The following PPFIBP2 variants were observed in gnomAD, a reference collection of about 807,000 sequenced individuals.
PPFIBP2 encodes liprin-beta-2.
In PPFIBP2, 118 loss-of-function variants were observed where a neutral mutation model predicts 118.3. The ratio of observed to expected loss-of-function variants is 1.00; its 90% CI spans 0.86 to 1.16. PPFIBP2 has a LOEUF of 1.16. Among genes scored for constraint, PPFIBP2 ranks in the 50% most tolerant of loss-of-function variants. The pLI, the probability that PPFIBP2 is intolerant of heterozygous loss-of-function variation, is 0.00. For missense variants in PPFIBP2, 1,195 were observed against 1,073.1 expected, an observed-to-expected ratio of 1.11 and a Z score of -1.59; for synonymous variants, 414 against 397.4, an observed-to-expected ratio of 1.04 and a Z score of -0.50.
intron 4 of PPFIBP2, among the ~76,000 whole-genome samples, chr11:7,594,938 GAAA>G (rs1334814027): frequency 7.7e-6 from 1 of 129,462 alleles, no homozygotes; most frequent in Non-Finnish European, 1.7e-5. Context: ...AAAAAAAAAA[GAAA>G]AAGGAGAGTG....
intron 6 of PPFIBP2, among the ~76,000 whole-genome samples, chr11:7,612,438 C>T (rs770079009): frequency 6.6e-6 from 1 of 152,096 alleles, no homozygotes; most frequent in Admixed American, 6.5e-5. Flanking sequence ...AAAGTCAGCC[C>T]GTGTGTGGAA....
At chr11:7,645,794 C>T (rs577653642) in intron 17 of PPFIBP2, among the ~76,000 whole-genome samples, 2 of 151,976 alleles carry the variant, frequency 1.3e-5, no homozygotes, top group Non-Finnish European at 1.5e-5. Context: ...ACTTATTTCC[C>T]CTTTAGAGCT....
intron 17 of PPFIBP2, among the ~76,000 whole-genome samples, chr11:7,643,708 T>A (rs978146021): frequency 1.3e-5 from 2 of 152,240 alleles, no homozygotes; most frequent in African/African-American, 2.4e-5. Flanking sequence ...TTTCTAGATA[T>A]TAATATTTAG....
intron 3 of PPFIBP2, among the ~76,000 whole-genome samples, chr11:7,589,852 A>G (rs1858918793): frequency 6.6e-6 from 1 of 152,226 alleles, no homozygotes; most frequent in African/African-American, 2.4e-5. Flanking sequence ...CAATTCCACT[A>G]TTAAAGAAGC....
At chr11:7,651,134 T>A in intron 22 of PPFIBP2, 169 bp downstream of exon 22, 2 of 679,624 alleles carry the variant, frequency 2.9e-6, no homozygotes, top group Non-Finnish European at 4.6e-6. Flanking sequence ...CCTTGAGAAT[T>A]AATATACCTC....
At chr11:7,623,460 C>T (rs148005374) in intron 7 of PPFIBP2, among the ~76,000 whole-genome samples, 49 of 152,282 alleles carry the variant, frequency 3.2e-4, no homozygotes, top group Non-Finnish European at 4.3e-4. Flanking sequence ...TTCCCAACTG[C>T]GGAGACAGAG....
intron 3 of PPFIBP2, among the ~76,000 whole-genome samples, chr11:7,592,733 T>C (rs1590423733): frequency 6.6e-6 from 1 of 152,220 alleles, no homozygotes; most frequent in Non-Finnish European, 1.5e-5. Flanking sequence ...TGTTCCCATG[T>C]AGTCCCTTGG....
intron 1 of PPFIBP2, among the ~76,000 whole-genome samples, chr11:7,549,144 C>A (rs1380863113): frequency 1.3e-5 from 2 of 152,142 alleles, no homozygotes; most frequent in Admixed American, 1.3e-4. Context: ...ACCTGGGACT[C>A]CAATTGTTAC....
intron 23 of PPFIBP2, 97 bp from the exon 24 acceptor site, chr11:7,652,927 C>A: frequency 7.3e-7 from 1 of 1,363,294 alleles, no homozygotes; most frequent in Non-Finnish European, 1.0e-6. Flanking sequence ...TTATTCCTCT[C>A]CTTGAGTGCC....
intron 22 of PPFIBP2, 149 bp from the exon 23 acceptor site, chr11:7,651,507 G>C (rs1365228195): frequency 1.5e-6 from 1 of 658,784 alleles, no homozygotes; most frequent in East Asian, 2.7e-5. Flanking sequence ...GTGCCAGCCA[G>C]TGAGTGGAGT....
intron 1 of PPFIBP2, among the ~76,000 whole-genome samples, chr11:7,533,901 G>A (rs1386682130): frequency 1.3e-5 from 2 of 152,220 alleles, no homozygotes; most frequent in Non-Finnish European, 2.9e-5. Flanking sequence ...TGAAGCCGAG[G>A]AATGTTTGAG....
At chr11:7,534,450 G>C (rs1418737584) in intron 1 of PPFIBP2, among the ~76,000 whole-genome samples, 1 of 152,184 alleles carries the variant, frequency 6.6e-6, no homozygotes, top group African/African-American at 2.4e-5. Context: ...TTTATGATCT[G>C]GTTGAGGCAA....
intron 5 of PPFIBP2, chr11:7,605,703 G>A: frequency 7.5e-7 from 1 of 1,332,462 alleles, no homozygotes; most frequent in Non-Finnish European, 9.6e-7. Flanking sequence ...TGATAAACCA[G>A]GAAAATAGAG....
intron 13 of PPFIBP2, 69 bp from the exon 14 acceptor site, chr11:7,635,480 AGTT>A: frequency 7.0e-7 from 1 of 1,428,312 alleles, no homozygotes; most frequent in Admixed American, 1.7e-5. Flanking sequence ...GGTAGTCCTG[AGTT>A]GTTGCTGTTT....
At chr11:7,590,665 T>G (rs906052481) in intron 3 of PPFIBP2, among the ~76,000 whole-genome samples, 22 of 152,250 alleles carry the variant, frequency 1.4e-4, no homozygotes, top group African/African-American at 5.3e-4. Context: ...GAACAGTGCC[T>G]GGCACATGTT....
chr11:7,644,868 A>G (rs1484895941), intron 17 of PPFIBP2, among the ~76,000 whole-genome samples: 2 of 151,336 alleles, frequency 1.3e-5, no homozygotes, highest in Non-Finnish European at 2.9e-5. Context: ...TCTACTAAAA[A>G]TACAAAAAAT....
chr11:7,514,113 C>G lies in PPFIBP2; in HGVS notation c.-45C>G, dbSNP rs1292393839. 7 of 152,484 alleles carry G rather than the reference C, an allele frequency of 4.6e-5. No individual in the cohort carries two copies. Among genetic ancestry groups the G allele is most frequent in the South Asian group, 2.1e-4 (1 of 4,832 alleles). The allele number at this position is 152,484 out of a possible 1,614,324, so 9.4% of individuals were successfully genotyped here. ...GCCGCCCGGAGAGGAGCCTCGGCCCCGTACCCAGGTCAGTGGGCTCTCCCC... is the reference window on the plus strand; with the variant it reads ...GCCGCCCGGAGAGGAGCCTCGGCCCGGTACCCAGGTCAGTGGGCTCTCCCC... On this transcript the variant is annotated 5_prime_UTR_variant, in exon 1 of 24. Transcript: ENST00000299492.
intron 5 of PPFIBP2, among the ~76,000 whole-genome samples, chr11:7,601,146 G>A (rs1041253926): frequency 1.3e-5 from 2 of 152,228 alleles, no homozygotes; most frequent in East Asian, 3.8e-4. Flanking sequence ...AGCACAAGAG[G>A]TGAGGAGTTA....
downstream of PPFIBP2, among the ~76,000 whole-genome samples, chr11:7,657,972 G>C (rs75122976): frequency 6.6e-6 from 1 of 152,150 alleles, no homozygotes. Context: ...CCACTCCTTC[G>C]CATGTGTGTG....
Sources: allele counts gnomAD v4.1 joint callset (sites outside exome capture counted in the v4.1 genomes callset), GRCh38; gene constraint gnomAD v4.1.1; transcripts MANE v1.5; gene names NCBI Gene and HGNC (gene_info 2026-07-23, HGNC 2026-07-21).